ABCA13: variants seen among roughly 807,000 people sequenced by gnomAD.
ABCA13 encodes the protein ATP-binding cassette sub-family A member 13.
A neutral mutation model predicts 478.7 loss-of-function variants in ABCA13; 476 were observed. The observed-to-expected ratio is 0.99, with a 90% CI of 0.92 to 1.07. ABCA13 has a LOEUF of 1.07. Among genes scored for constraint, ABCA13 ranks in the 50% least tolerant of loss-of-function variants. The probability of loss-of-function intolerance (pLI) is 0.00; values close to 1 mark genes in which losing one functional copy is unlikely to be tolerated. For missense variants in ABCA13, 6,060 were observed against 5,910.6 expected, an observed-to-expected ratio of 1.03 and a Z score of -0.83; for synonymous variants, 2,252 against 2,158.9, an observed-to-expected ratio of 1.04 and a Z score of -1.20.
At chr7:48,245,680 C>A in intron 12 of ABCA13, 68 bp downstream of exon 12, 2 of 1,516,878 alleles carry the variant, frequency 1.3e-6, no homozygotes, top group South Asian at 1.2e-5. Context: ...ATGCAATATT[C>A]AGTTTTGCTC....
intron 2 of ABCA13, among the ~76,000 whole-genome samples, chr7:48,197,944 C>T (rs947991145): frequency 6.6e-6 from 1 of 152,114 alleles, no homozygotes; most frequent in East Asian, 1.9e-4. Flanking sequence ...GGCTGTGCAT[C>T]AGGGTTATTT....
chr7:48,368,655 G>A (rs1375454373), intron 32 of ABCA13, among the ~76,000 whole-genome samples: 1 of 146,240 alleles, frequency 6.8e-6, no homozygotes, highest in African/African-American at 2.5e-5. Context: ...TTTTATGGAT[G>A]AGTATATCCC....
At chr7:48,638,492 T>C (rs752768876) in intron 59 of ABCA13, among the ~76,000 whole-genome samples, 8 of 152,256 alleles carry the variant, frequency 5.3e-5, no homozygotes, top group Non-Finnish European at 1.0e-4. Flanking sequence ...CCAGGAGGAA[T>C]GTGAGTGCCA....
intron 42 of ABCA13, among the ~76,000 whole-genome samples, chr7:48,431,290 C>G (rs1390937293): frequency 6.6e-6 from 1 of 151,894 alleles, no homozygotes; most frequent in African/African-American, 2.4e-5. Flanking sequence ...TGCCTTGAGC[C>G]TAGATCATGC....
chr7:48,525,670 C>CTTTTTTTTTTTT (rs538127881), intron 54 of ABCA13, among the ~76,000 whole-genome samples: 4 of 68,334 alleles, frequency 5.9e-5, no homozygotes, highest in South Asian at 7.4e-4. Context: ...TTTAGATGCG[C>CTTTTTTTTTTTT]TTTTTTTTTT....
At chr7:48,626,979 C>T (rs903364714) in intron 59 of ABCA13, 8 of 985,372 alleles carry the variant, frequency 8.1e-6, no homozygotes, top group Non-Finnish European at 8.4e-6. Flanking sequence ...GAATAAGTAG[C>T]TGAACTCATC....
intron 32 of ABCA13, among the ~76,000 whole-genome samples, chr7:48,370,935 C>T (rs1812532801): frequency 1.3e-5 from 2 of 152,056 alleles, no homozygotes; most frequent in South Asian, 2.1e-4. Flanking sequence ...GTCTTTACTC[C>T]ATCTTGAGTT....
chr7:48,190,795 A>G (rs1174141554), intron 1 of ABCA13, among the ~76,000 whole-genome samples: 1 of 152,214 alleles, frequency 6.6e-6, no homozygotes, highest in Non-Finnish European at 1.5e-5. Flanking sequence ...ATACATATAC[A>G]TGTATTTTGT....
chr7:48,228,570 G>C (rs1484465072), intron 6 of ABCA13, among the ~76,000 whole-genome samples: 1 of 152,150 alleles, frequency 6.6e-6, no homozygotes, highest in Admixed American at 6.5e-5. Flanking sequence ...AGACCAAGCT[G>C]AGGGTGGGGA....
rs750854949 is a variant in ABCA13, at chr7:48,239,363, C to A, written c.1020C>A (p.Asn340Lys). Reference sequence around the variant, plus strand: ...ACCCTAAGTGGTCAGAAGCCAAAAACTATCTTGTCCATGCAGTCAGCTGGC... The same window carrying A: ...ACCCTAAGTGGTCAGAAGCCAAAAAATATCTTGTCCATGCAGTCAGCTGGC... Reference protein sequence around the residue: ...GCHPKWSEAKNYLVHAVSWLR... With the variant: ...GCHPKWSEAKKYLVHAVSWLR... Residue 340 changes from asparagine (N) to lysine (K), a missense_variant, in exon 9 of 62, where the codon AAC becomes AAA. Physicochemically the swap from Asn to Lys is moderately conservative, Grantham distance 94. Around this residue, in one of 3 missense-constraint regions of ABCA13, gnomAD observed 4,423 missense variants for 4,309.1 expected, o/e 1.03. Coordinates refer to ENST00000435803, the MANE Select transcript of ABCA13 (RefSeq NM_152701.5). 1.2e-6 allele frequency: 2 copies of A among 1,613,742 alleles called. No individual in the cohort carries two copies. The highest frequency in any genetic ancestry group is 2.7e-5 in the African/African-American group (2 of 74,926).
At chr7:48,317,892 G>T (rs1210679865) in intron 27 of ABCA13, among the ~76,000 whole-genome samples, 1 of 152,110 alleles carries the variant, frequency 6.6e-6, no homozygotes, top group Non-Finnish European at 1.5e-5. Flanking sequence ...ATTTACTGCA[G>T]GATTTGTTAT....
At chr7:48,449,442 T>C (rs1824720452) in intron 42 of ABCA13, among the ~76,000 whole-genome samples, 1 of 152,148 alleles carries the variant, frequency 6.6e-6, no homozygotes, top group Non-Finnish European at 1.5e-5. Context: ...TCATACAGCT[T>C]TATATATACC....
intron 59 of ABCA13, among the ~76,000 whole-genome samples, chr7:48,617,718 T>C (rs1221742990): frequency 6.6e-6 from 1 of 152,122 alleles, no homozygotes; most frequent in East Asian, 1.9e-4. Context: ...GTGCTGACCT[T>C]GACCTCATGA....
At chr7:48,254,321 T>G (rs1793051152) in intron 15 of ABCA13, among the ~76,000 whole-genome samples, 1 of 152,130 alleles carries the variant, frequency 6.6e-6, no homozygotes, top group South Asian at 2.1e-4. Context: ...TGGAATGCAG[T>G]GGTACAACCA....
intron 35 of ABCA13, among the ~76,000 whole-genome samples, chr7:48,387,059 G>T (rs998445706): frequency 1.3e-5 from 2 of 151,920 alleles, no homozygotes; most frequent in Non-Finnish European, 2.9e-5. Context: ...TCTATTTTTT[G>T]ATTAGAATGT....
chr7:48,374,271 A>G, intron 33 of ABCA13, 76 bp from the exon 34 acceptor site: 1 of 1,354,366 alleles, frequency 7.4e-7, no homozygotes, highest in Non-Finnish European at 1.0e-6. Context: ...TCGCTCCTTG[A>G]ATTAAGTGTT....
At chr7:48,286,409 A>G (rs1322113549) in intron 19 of ABCA13, among the ~76,000 whole-genome samples, 2 of 152,038 alleles carry the variant, frequency 1.3e-5, no homozygotes, top group African/African-American at 4.8e-5. Flanking sequence ...CCAGCACGTC[A>G]TTGAGTTGAA....
At chr7:48,616,371 C>G (rs909819779) in intron 59 of ABCA13, among the ~76,000 whole-genome samples, 2 of 152,156 alleles carry the variant, frequency 1.3e-5, no homozygotes, top group African/African-American at 4.8e-5. Context: ...GGTATGTACT[C>G]TGCCCATCTT....
intron 41 of ABCA13, among the ~76,000 whole-genome samples, chr7:48,419,735 A>G (rs1411238165): frequency 6.6e-6 from 1 of 152,204 alleles, no homozygotes; most frequent in African/African-American, 2.4e-5. Context: ...TGTGCTTTGC[A>G]CATAATAGGT....
Sources: allele counts gnomAD v4.1 joint callset (sites outside exome capture counted in the v4.1 genomes callset), GRCh38; gene constraint gnomAD v4.1.1; regional missense constraint gnomAD v4.1.1; transcripts MANE v1.5; gene names NCBI Gene and HGNC (gene_info 2026-07-23, HGNC 2026-07-21).